The following GARS1 variants were observed in gnomAD, a reference collection of about 807,000 sequenced individuals.
GARS1 encodes the protein glycine--tRNA ligase.
In GARS1, 46 loss-of-function variants were observed where a neutral mutation model predicts 86.4. The ratio of observed to expected loss-of-function variants is 0.53; its 90% CI spans 0.42 to 0.68. The LOEUF is 0.68. Ranked by LOEUF, GARS1 falls within the 30% of genes least tolerant of loss-of-function variation. GARS1 has a pLI of 0.00. For synonymous variants in GARS1, 342 were observed against 329.8 expected, an observed-to-expected ratio of 1.04 and a Z score of -0.40; for missense variants, 797 against 915.6, an observed-to-expected ratio of 0.87 and a Z score of 1.67.
intron 10 of GARS1, among the ~76,000 whole-genome samples, chr7:30,619,818 C>T (rs1782967014): frequency 6.9e-6 from 1 of 145,114 alleles, no homozygotes; most frequent in Non-Finnish European, 1.5e-5. Context: ...TACTCTGTCA[C>T]CCAGGCTGGA....
At chr7:30,598,482 G>A (rs559891266) in intron 1 of GARS1, among the ~76,000 whole-genome samples, 47 of 149,668 alleles carry the variant, frequency 3.1e-4, no homozygotes, top group African/African-American at 1.0e-3. Flanking sequence ...TCCGCCTTCC[G>A]GGTTCAAGTG....
Position 30,622,417 on chromosome 7 carries a change from A to G in GARS1, c.1568A>G (p.Asp523Gly), listed in dbSNP as rs779225125. Residue 523 changes from aspartate to glycine, a missense_variant, in exon 12 of 17, where the codon GAT becomes GGT. Physicochemically the swap from Asp to Gly is moderately conservative, Grantham distance 94. Coordinates refer to ENST00000389266, the MANE Select transcript of GARS1 (RefSeq NM_002047.4). ...KLVMEYLAIC[D>G]ECYITEMEML... ...GTGATGGAGTATCTTGCCATTTGTG[A>G]TGAGTGCTACATTACAGAAATGGAG... The G allele has an allele frequency of 1.2e-6, 2 of 1,614,162 alleles. No homozygotes were observed. Among genetic ancestry groups the G allele is most frequent in the South Asian group, 2.2e-5 (2 of 91,082 alleles).
intron 14 of GARS1, 84 bp downstream of exon 14, chr7:30,628,753 T>C (rs1412662163): frequency 2.0e-5 from 16 of 816,920 alleles, no homozygotes; most frequent in Non-Finnish European, 3.4e-5. Context: ...TTAATAAGAC[T>C]CTAGAATGGT....
chr7:30,622,071 A>G, intron 11 of GARS1: 2 of 517,916 alleles, frequency 3.9e-6, no homozygotes, highest in Non-Finnish European at 7.0e-6. Flanking sequence ...ATTGCTGATT[A>G]GATAATATCT....
chr7:30,600,252 C>A (rs1303329183), intron 3 of GARS1, among the ~76,000 whole-genome samples: 2 of 152,156 alleles, frequency 1.3e-5, no homozygotes, highest in Non-Finnish European at 1.5e-5. Flanking sequence ...CTGGACAGCA[C>A]TTTTTTTGAT....
chr7:30,606,212 A>G (rs571297411), intron 6 of GARS1, among the ~76,000 whole-genome samples: 3 of 151,572 alleles, frequency 2.0e-5, no homozygotes. Flanking sequence ...GTACCTGGTT[A>G]GCTCTTCTGT....
At chr7:30,620,727 T>A (rs1782986875) in intron 10 of GARS1, among the ~76,000 whole-genome samples, 1 of 152,228 alleles carries the variant, frequency 6.6e-6, no homozygotes, top group Non-Finnish European at 1.5e-5. Flanking sequence ...TTATACTGAG[T>A]TTTCTTTTGT....
intron 2 of GARS1, 28 bp from the exon 3 acceptor site, chr7:30,599,919 C>A: frequency 7.4e-6 from 10 of 1,344,858 alleles, no homozygotes; most frequent in Non-Finnish European, 1.1e-5. Flanking sequence ...CCCCTCCACT[C>A]ACTCACTTTT....
rs1782934719 is a variant in GARS1 at position 30,618,564 on chromosome 7, G to GT, written c.1359+1288dup. ...TGGGAAGATCACATGAGCCCGGGAG[G>GT]TTGAGGCTGTAGTGAGCCATGATTG... On this transcript the variant is annotated intron_variant, in intron 10 of 16. Coordinates refer to ENST00000389266, the MANE Select transcript of GARS1 (RefSeq NM_002047.4). Among the ~76,000 whole-genome samples, 5 of 152,160 alleles carry GT rather than the reference G, an allele frequency of 3.3e-5. No individual in the cohort carries two copies. In the South Asian group the frequency reaches 1.0e-3, roughly 32 times the overall value.
In GARS1 at chr7:30,612,327, T is replaced by C; in HGVS notation, c.1031+82T>C. 4.9e-6 allele frequency: 6 copies of C among 1,215,758 alleles called. No homozygotes were observed. The South Asian group carries it at 7.4e-5, about 15-fold the overall frequency. The allele number at this position is 1,215,758 out of a possible 1,614,324, so 75.3% of individuals were successfully genotyped here. On this transcript the variant is annotated intron_variant, in intron 8 of 16. Coordinates refer to ENST00000389266, the MANE Select transcript of GARS1 (RefSeq NM_002047.4). ...TGAAAGCTTGCTGTTTTGAAGCAATTCTGCTTCATAATCCTGATTATGAAT... is the reference window on the plus strand; with the variant it reads ...TGAAAGCTTGCTGTTTTGAAGCAATCCTGCTTCATAATCCTGATTATGAAT...
At chr7:30,616,474 C>T (rs958395812) in intron 9 of GARS1, among the ~76,000 whole-genome samples, 6 of 152,220 alleles carry the variant, frequency 3.9e-5, no homozygotes, top group Middle Eastern at 3.4e-3. Context: ...AAATATTTGC[C>T]TGGAGAAGTG....
Position 30,612,232 on chromosome 7 carries a change from C to G in GARS1, c.1018C>G (p.Leu340Val). ...AAATGAGATCTCCCCTCGATCTGGA[C>G]TGATCAGAGTCAGGTACTGCTCAGG... The part of the protein sequence containing the change: ...FRNEISPRSG[L>V]IRVREFTMAE... The change falls in exon 8 of 17, where the codon CTG becomes GTG. Residue 340 changes from leucine to valine, a missense_variant. By Grantham distance (32) the Leu-to-Val change is conservative. Coordinates refer to ENST00000389266, the MANE Select transcript of GARS1 (RefSeq NM_002047.4). The G allele has an allele frequency of 6.2e-7, 1 of 1,614,084 alleles. No homozygotes were observed.
chr7:30,630,553 T>C (rs1215601265), intron 14 of GARS1, among the ~76,000 whole-genome samples: 1 of 148,726 alleles, frequency 6.7e-6, no homozygotes, highest in Non-Finnish European at 1.5e-5. Context: ...GCTTTGTTGC[T>C]CAGCTGGAGT....
At chr7:30,621,919 C>G (rs1393037873) in intron 11 of GARS1, among the ~76,000 whole-genome samples, 2 of 152,166 alleles carry the variant, frequency 1.3e-5, no homozygotes, top group Non-Finnish European at 2.9e-5. Context: ...GTCTGAAAAT[C>G]AGCAAAATAG....
Position 30,598,820 on chromosome 7 carries a change from GAAGATA to G in GARS1, c.251_256del (p.Asp84_Lys85del). The G allele has an allele frequency of 6.2e-7, 1 of 1,614,116 alleles. No homozygotes were observed. The highest frequency in any genetic ancestry group is 8.5e-7 in the Non-Finnish European group (1 of 1,179,976). On this transcript the variant is annotated inframe_deletion, in exon 2 of 17. Coordinates refer to ENST00000389266, the MANE Select transcript of GARS1 (RefSeq NM_002047.4). Reference sequence around the variant, plus strand: ...GGGAGATCTTGTGCGAAAACTCAAAGAAGATAAAGCACCCCAAGTAGACGTAGACAA... The same window carrying G: ...GGGAGATCTTGTGCGAAAACTCAAAGAAGCACCCCAAGTAGACGTAGACAA...
intron 1 of GARS1, 117 bp downstream of exon 1, chr7:30,595,260 C>T: frequency 3.0e-6 from 3 of 1,014,406 alleles, no homozygotes; most frequent in Non-Finnish European, 3.0e-6. Context: ...CCTTTCTTTC[C>T]CTTCATCCTC....
rs554776015 is a variant in GARS1, at chr7:30,601,272, A to G, written c.569+72A>G. ...ACTTATTAAATTATTTAATATACTT[A>G]TCTAAATAACTTCCTGATTATAAAG... On this transcript the variant is annotated intron_variant, in intron 4 of 16. Transcript: ENST00000389266. 7 of 1,274,722 alleles carry G rather than the reference A, an allele frequency of 5.5e-6. No homozygotes were observed. In the South Asian group the frequency reaches 7.4e-5, roughly 13 times the overall value. The allele number at this position is 1,274,722 out of a possible 1,614,324, so 79.0% of individuals were successfully genotyped here.
chr7:30,610,614 C>G (rs909055988), intron 7 of GARS1, among the ~76,000 whole-genome samples: 1 of 152,132 alleles, frequency 6.6e-6, no homozygotes, highest in African/African-American at 2.4e-5. Context: ...CAGTGGCAAG[C>G]CTTTCATTTT....
intron 15 of GARS1, 49 bp downstream of exon 15, chr7:30,631,590 C>G: frequency 8.5e-7 from 1 of 1,178,120 alleles, no homozygotes; most frequent in Non-Finnish European, 1.3e-6. Flanking sequence ...ATCAAGGAGA[C>G]TGAATTTTAG....
Sources: allele counts gnomAD v4.1 joint callset (sites outside exome capture counted in the v4.1 genomes callset), GRCh38; gene constraint gnomAD v4.1.1; transcripts MANE v1.5; gene names NCBI Gene and HGNC (gene_info 2026-07-23, HGNC 2026-07-21).